ERAP1: variants seen among roughly 807,000 people sequenced by gnomAD.
The protein encoded by ERAP1 is adipocyte-derived leucine aminopeptidase.
Under a neutral mutation model 103.7 loss-of-function variants are expected in ERAP1, and 86 were observed. The ratio of observed to expected loss-of-function variants is 0.83; its 90% confidence interval spans 0.70 to 0.99. The LOEUF (loss-of-function observed/expected upper bound fraction) is 0.99. Among genes scored for constraint, ERAP1 ranks in the 50% least tolerant of loss-of-function variants. The pLI is 0.00. For missense variants in ERAP1, 1,009 were observed against 1,128.4 expected (o/e 0.89, Z 1.52); for synonymous variants, 398 against 402.4 (o/e 0.99, Z 0.13).
the ERAP1 span, chr5:96,917,459 C>T: frequency 1.9e-6 from 3 of 1,563,646 alleles, no homozygotes; most frequent in East Asian, 2.4e-5. Flanking sequence ...CAATATTTTA[C>T]AGGTGAAACT....
At position 96,776,443 on chromosome 5, in the gene ERAP1, C is replaced by T. The variant is rs772381743; in HGVS notation, c.2779G>A (p.Asp927Asn). 1 of 1,613,960 alleles carries T rather than the reference C, an allele frequency of 6.2e-7. No individual in the cohort carries two copies. Among genetic ancestry groups the T allele is most frequent in the Non-Finnish European group, 8.5e-7 (1 of 1,179,964 alleles). ...ENIGWMDKNFDKIRVWLQSEK... is the reference protein window; with the variant it reads ...ENIGWMDKNFNKIRVWLQSEK... Reference sequence around the variant, plus strand: ...CTTTGCAGCCACACTCTGATTTTATCAAAATTCTTATCCATCCAACCGATG... The same window carrying T: ...CTTTGCAGCCACACTCTGATTTTATTAAAATTCTTATCCATCCAACCGATG... Residue 927 changes from aspartate to asparagine, a missense_variant, in exon 19 of 19, where the codon GAT becomes AAT. Physicochemically the swap from Asp to Asn is conservative, Grantham distance 23. Coordinates refer to ENST00000443439, the MANE Select transcript of ERAP1 (RefSeq NM_001040458.3).
At chr5:96,888,202 A>G in the ERAP1 span, among the ~76,000 whole-genome samples, 1 of 151,836 alleles carries the variant, frequency 6.6e-6, no homozygotes. Context: ...TACAATTTAC[A>G]TATGTATTAT....
the ERAP1 span, among the ~76,000 whole-genome samples, chr5:96,911,050 G>A: frequency 1.2e-4 from 19 of 152,124 alleles, 1 homozygote; most frequent in East Asian, 3.7e-3. Flanking sequence ...TGTCACTTGG[G>A]GTATTTAAGT....
rs2150867331 is a variant in ERAP1 at position 96,775,462 on chromosome 5, G to T, written c.*934C>A. The T allele has an allele frequency of 1.0e-6, 1 of 985,478 alleles. No homozygotes were observed. The highest frequency in any genetic ancestry group is 1.2e-6 in the Non-Finnish European group (1 of 829,920). 61.0% of individuals were successfully genotyped at this position (985,478 alleles called of 1,614,324 possible). On this transcript the variant is annotated 3_prime_UTR_variant, in exon 19 of 19. Coordinates refer to ENST00000443439, the MANE Select transcript of ERAP1 (RefSeq NM_001040458.3). ...AAAAAAATCACCTCCCTAAGAAAAG[G>T]GTTTTCCTACAGACTTGAATGCACT...
At chr5:96,827,435 G>A in the ERAP1 span, among the ~76,000 whole-genome samples, 4 of 152,222 alleles carry the variant, frequency 2.6e-5, no homozygotes, top group South Asian at 4.1e-4. Context: ...GCCAAGGCAG[G>A]TGGATTGCCT....
chr5:96,842,440 C>T, the ERAP1 span, among the ~76,000 whole-genome samples: 1 of 152,272 alleles, frequency 6.6e-6, no homozygotes, highest in African/African-American at 2.4e-5. Flanking sequence ...CACATCCATG[C>T]CAACATCTAT....
At chr5:96,847,170 C>A in the ERAP1 span, among the ~76,000 whole-genome samples, 2 of 150,710 alleles carry the variant, frequency 1.3e-5, no homozygotes. Context: ...ATCGCTTGAA[C>A]CCGGGAGGCG....
chr5:96,917,956 G>A, the ERAP1 span: 3 of 153,488 alleles, frequency 2.0e-5, no homozygotes, highest in African/African-American at 7.5e-5. Flanking sequence ...GAAAAGAAAA[G>A]GTACATCAGA....
chr5:96,793,789 G>A lies in ERAP1; in HGVS notation c.1074+14C>T. 1 of 1,607,204 alleles carries A rather than the reference G, an allele frequency of 6.2e-7. No individual in the cohort carries two copies. The highest frequency in any genetic ancestry group is 8.5e-7 in the Non-Finnish European group (1 of 1,174,454). On this transcript the variant is annotated intron_variant, in intron 6 of 18. Coordinates refer to ENST00000443439, the MANE Select transcript of ERAP1 (RefSeq NM_001040458.3). Reference sequence around the variant, plus strand: ...GTAGTTTATACTTTATTAAAAGTGTGAATGAGCTTATACCTGGTGAGCCAG... The same window carrying A: ...GTAGTTTATACTTTATTAAAAGTGTAAATGAGCTTATACCTGGTGAGCCAG...
chr5:96,768,110 G>A (rs1296327294), intron 19 of ERAP1: 2 of 768,942 alleles, frequency 2.6e-6, no homozygotes, highest in Non-Finnish European at 2.3e-6. Flanking sequence ...TTGTAACAGG[G>A]TCTTACTCTA....
chr5:96,798,324 C>CAAAAAAAA lies in ERAP1; in HGVS notation c.664-1023_664-1016dup, dbSNP rs3076633. 4.2e-4 allele frequency among the ~76,000 whole-genome samples: 32 copies of CAAAAAAAA among 76,300 alleles called. 1 individual carries two copies. The highest frequency in any genetic ancestry group is 4.8e-4 in the Non-Finnish European group (20 of 41,818). 50.1% of individuals were successfully genotyped at this position (76,300 alleles called of 152,430 possible). On this transcript the variant is annotated intron_variant, in intron 3 of 18. Coordinates refer to ENST00000443439, the MANE Select transcript of ERAP1 (RefSeq NM_001040458.3). ...TGGATGACAGAGCGAGACTCCATCT[C>CAAAAAAAA]AAAAAAAAAAAAAAAAAAAGATTTG...
At chr5:96,892,691 C>G in the ERAP1 span, among the ~76,000 whole-genome samples, 1 of 152,268 alleles carries the variant, frequency 6.6e-6, no homozygotes, top group African/African-American at 2.4e-5. Flanking sequence ...CCTTTCAAAG[C>G]AAAGCCTTCA....
the ERAP1 span, chr5:96,909,235 G>GAC: frequency 1.1e-6 from 1 of 909,438 alleles, no homozygotes; most frequent in Non-Finnish European, 1.7e-6. Flanking sequence ...TCGGGGGACT[G>GAC]ACTGATAGCA....
At chr5:96,831,491 TGTATA>T in the ERAP1 span, among the ~76,000 whole-genome samples, 1 of 152,232 alleles carries the variant, frequency 6.6e-6, no homozygotes, top group Non-Finnish European at 1.5e-5. Flanking sequence ...AAGGGCCAAC[TGTATA>T]GTATGACTTA....
At chr5:96,915,711 T>C in the ERAP1 span, 2 of 1,593,716 alleles carry the variant, frequency 1.3e-6, no homozygotes, top group Non-Finnish European at 1.7e-6. Context: ...TCATATGACA[T>C]AAGGATGATC....
rs1272998144 is a variant in ERAP1, at chr5:96,807,936, A to G, written c.-94T>C. The G allele has an allele frequency of 1.0e-6, 1 of 985,738 alleles. No individual in the cohort carries two copies. Among genetic ancestry groups the G allele is most frequent in the Non-Finnish European group, 1.2e-6 (1 of 830,344 alleles). 61.1% of individuals were successfully genotyped at this position (985,738 alleles called of 1,614,324 possible). A position where few individuals can be genotyped will look rare whatever the true frequency, so the allele number is the denominator to read the frequency against. On this transcript the variant is annotated 5_prime_UTR_variant, in exon 1 of 19. Coordinates refer to ENST00000443439, the MANE Select transcript of ERAP1 (RefSeq NM_001040458.3). The stretch of plus-strand genomic sequence containing the variant: ...GCCGGCCTAGCTCCCCCAGGACCGA[A>G]AGTGAAAGTGGAGCCCGGGGAGCGG...
At chr5:96,875,261 G>T in the ERAP1 span, among the ~76,000 whole-genome samples, 5 of 152,100 alleles carry the variant, frequency 3.3e-5, no homozygotes, top group Admixed American at 1.3e-4. Context: ...AAGGCCAGTT[G>T]CGGTGTCTCA....
the ERAP1 span, among the ~76,000 whole-genome samples, chr5:96,815,236 T>C: frequency 6.6e-6 from 1 of 152,192 alleles, no homozygotes; most frequent in Non-Finnish European, 1.5e-5. Flanking sequence ...TGGTGGTAGA[T>C]TGCTAAACTT....
At position 96,781,053 on chromosome 5, in the gene ERAP1, C is replaced by G. The variant is rs372774336; in HGVS notation, c.2588+5G>C. On this transcript the variant is annotated splice_donor_5th_base_variant and intron_variant, in intron 17 of 18. Coordinates refer to ENST00000443439, the MANE Select transcript of ERAP1 (RefSeq NM_001040458.3). ...AGTCACAGCACAATTTTTGGCACCA[C>G]TTACTTTTGTACAAGTTTGTTCCAG... The G allele has an allele frequency of 3.0e-5, 48 of 1,613,938 alleles. No homozygotes were observed. The African/African-American group carries it at 6.0e-4, about 20-fold the overall frequency.
Sources: allele counts gnomAD v4.1 joint callset (sites outside exome capture counted in the v4.1 genomes callset), GRCh38; gene constraint gnomAD v4.1.1; transcripts MANE v1.5; gene names NCBI Gene and HGNC (gene_info 2026-07-23, HGNC 2026-07-21).